Variants in GPC5 observed in about 807,000 individuals in gnomAD.
GPC5 encodes the protein glypican-5.
Under a neutral mutation model 53.9 loss-of-function variants are expected in GPC5, and 47 were observed. That is an observed-to-expected ratio of 0.87 (90% CI 0.69 to 1.11). The LOEUF (loss-of-function observed/expected upper bound fraction) is 1.11, where lower values mean the gene tolerates loss of function less well. GPC5 is among the 50% of genes most tolerant of loss of function. The pLI is 0.00. For missense variants in GPC5, 748 were observed against 713.1 expected (o/e 1.05, Z -0.56); for synonymous variants, 286 against 263.3 (o/e 1.09, Z -0.84).
At chr13:92,425,464 A>G (rs1876790130) in intron 7 of GPC5, among the ~76,000 whole-genome samples, 2 of 152,052 alleles carry the variant, frequency 1.3e-5, no homozygotes, top group South Asian at 2.1e-4. Context: ...AATTACCACG[A>G]CAGTCCTATG....
At chr13:92,489,684 T>A (rs972273089) in intron 7 of GPC5, among the ~76,000 whole-genome samples, 5 of 152,132 alleles carry the variant, frequency 3.3e-5, no homozygotes, top group African/African-American at 1.2e-4. Context: ...ATTAATTTAC[T>A]TTCTCCACAT....
intron 5 of GPC5, among the ~76,000 whole-genome samples, chr13:91,900,154 A>T: frequency 6.6e-6 from 1 of 152,112 alleles, no homozygotes; most frequent in Non-Finnish European, 1.5e-5. Flanking sequence ...ATTACATTTG[A>T]AAAAAATACA....
chr13:92,684,914 T>C lies in GPC5; in HGVS notation c.1562-181368T>C, dbSNP rs141580256. 8.3e-4 allele frequency among the ~76,000 whole-genome samples: 126 copies of C among 152,294 alleles called. No homozygotes were observed. The East Asian group carries it at 0.019, about 23-fold the overall frequency. On this transcript the variant is annotated intron_variant, in intron 7 of 7. Coordinates refer to ENST00000377067, the MANE Select transcript of GPC5 (RefSeq NM_004466.6). ...TTACCAGCACTCAGTAGTATTGGTA[T>C]TTTGGATTTTGGCCATTATAATAGG...
intron 5 of GPC5, among the ~76,000 whole-genome samples, chr13:91,778,235 A>G (rs1293123697): frequency 6.6e-6 from 1 of 152,204 alleles, no homozygotes. Flanking sequence ...AGGACAAACT[A>G]GAGCAAAGTC....
intron 7 of GPC5, among the ~76,000 whole-genome samples, chr13:92,566,751 T>G (rs1882874951): frequency 6.6e-6 from 1 of 152,118 alleles, no homozygotes; most frequent in African/African-American, 2.4e-5. Flanking sequence ...TCAGTTGTAT[T>G]GATGCATTTT....
chr13:91,775,159 G>A (rs1419667368), intron 5 of GPC5, among the ~76,000 whole-genome samples: 1 of 152,188 alleles, frequency 6.6e-6, no homozygotes, highest in Non-Finnish European at 1.5e-5. Context: ...CATGAGAGAT[G>A]AGCGGAAGAG....
At chr13:91,986,061 CTTTTTTTTTTTT>C (rs779259362) in intron 6 of GPC5, among the ~76,000 whole-genome samples, 1 of 95,438 alleles carries the variant, frequency 1.0e-5, no homozygotes, top group Admixed American at 1.4e-4. Flanking sequence ...TTAGCCAATA[CTTTTTTTTTTTT>C]TTTTTTTTTT....
intron 7 of GPC5, among the ~76,000 whole-genome samples, chr13:92,655,737 G>A (rs1012172419): frequency 1.3e-5 from 2 of 152,126 alleles, no homozygotes; most frequent in African/African-American, 2.4e-5. Context: ...CAACAGACCA[G>A]ATGCTTCTAT....
intron 6 of GPC5, among the ~76,000 whole-genome samples, chr13:91,970,108 C>T (rs934772580): frequency 6.6e-6 from 1 of 152,122 alleles, no homozygotes; most frequent in African/African-American, 2.4e-5. Context: ...GAAATTTTGC[C>T]TTCCATTTGC....
chr13:92,242,670 C>T (rs1467419606), intron 7 of GPC5, among the ~76,000 whole-genome samples: 21 of 152,100 alleles, frequency 1.4e-4, no homozygotes, highest in Admixed American at 3.3e-4. Flanking sequence ...TATCTCTTTT[C>T]AGTCATGTCA....
At chr13:92,217,754 C>A (rs1033290530) in intron 7 of GPC5, among the ~76,000 whole-genome samples, 1 of 151,972 alleles carries the variant, frequency 6.6e-6, no homozygotes, top group South Asian at 2.1e-4. Context: ...CTTTTACAGG[C>A]CAGTTGCCTT....
chr13:92,746,977 C>G (rs1889255759), intron 7 of GPC5, among the ~76,000 whole-genome samples: 1 of 152,022 alleles, frequency 6.6e-6, no homozygotes, highest in South Asian at 2.1e-4. Flanking sequence ...AGGATGCATA[C>G]CTATACAGCA....
intron 7 of GPC5, among the ~76,000 whole-genome samples, chr13:92,401,374 C>T (rs545127457): frequency 6.6e-5 from 10 of 151,964 alleles, no homozygotes; most frequent in South Asian, 4.2e-4. Flanking sequence ...TATTAGAAAT[C>T]GAAGTACCAT....
At chr13:92,361,766 C>T (rs1056833581) in intron 7 of GPC5, among the ~76,000 whole-genome samples, 2 of 151,598 alleles carry the variant, frequency 1.3e-5, no homozygotes, top group African/African-American at 4.9e-5. Flanking sequence ...AAATATCTGG[C>T]TCAAGAAAAC....
intron 7 of GPC5, among the ~76,000 whole-genome samples, chr13:92,279,310 G>A (rs1196024095): frequency 6.6e-6 from 1 of 151,808 alleles, no homozygotes; most frequent in Non-Finnish European, 1.5e-5. Flanking sequence ...CTTAATTTCT[G>A]TGTTTGATTG....
At chr13:92,533,409 A>T (rs1156691779) in intron 7 of GPC5, among the ~76,000 whole-genome samples, 1 of 152,178 alleles carries the variant, frequency 6.6e-6, no homozygotes, top group Non-Finnish European at 1.5e-5. Flanking sequence ...TACCATCAGA[A>T]CATTTCTTTA....
chr13:92,250,118 A>C (rs1396630868), intron 7 of GPC5, among the ~76,000 whole-genome samples: 1 of 152,072 alleles, frequency 6.6e-6, no homozygotes, highest in Non-Finnish European at 1.5e-5. Context: ...GTACAGCTCC[A>C]TAAACACTTA....
In GPC5 at chr13:92,785,024, C is replaced by T. The variant is rs560925940; in HGVS notation, c.1562-81258C>T. The stretch of plus-strand genomic sequence containing the variant: ...AGGCATGGTGGCTCACGCCTGTAAT[C>T]CCAGCACTTTGGGAGGCCGAGGCGT... On this transcript the variant is annotated intron_variant, in intron 7 of 7. Transcript: ENST00000377067. Among the ~76,000 whole-genome samples the T allele has an allele frequency of 1.8e-3, 281 of 152,286 alleles. 2 individuals carry two copies. The highest frequency in any genetic ancestry group is 6.5e-3 in the African/African-American group (269 of 41,550).
chr13:91,443,882 A>G (rs1301973462), intron 1 of GPC5, among the ~76,000 whole-genome samples: 1 of 152,188 alleles, frequency 6.6e-6, no homozygotes, highest in Non-Finnish European at 1.5e-5. Flanking sequence ...TTTCCACACT[A>G]AAGATCCGGA....
Sources: gnomAD v4.1 joint callset for allele counts (sites outside exome capture counted in the v4.1 genomes callset) on GRCh38, gnomAD v4.1.1 for gene constraint, MANE v1.5 for transcripts, NCBI Gene and HGNC (gene_info 2026-07-23, HGNC 2026-07-21) for gene names.